The following ADAM9 variants were observed in gnomAD, a reference collection of about 807,000 sequenced individuals.
The protein encoded by ADAM9 is ADAM metallopeptidase domain 9, also known as disintegrin and metalloproteinase domain-containing protein 9.
ADAM9 carries 54 observed loss-of-function variants against 108.1 expected under a neutral mutation model. The ratio of observed to expected loss-of-function variants is 0.50; its 90% CI spans 0.40 to 0.63. ADAM9 has a LOEUF of 0.63. Among genes scored for constraint, ADAM9 ranks in the 20% least tolerant of loss-of-function variants. The probability of loss-of-function intolerance (pLI) is 0.00; values close to 1 mark genes in which losing one functional copy is unlikely to be tolerated. For synonymous variants in ADAM9, 316 were observed against 336.0 expected (o/e 0.94, Z 0.65); for missense variants, 830 against 997.7 (o/e 0.83, Z 2.26).
At chr8:39,066,638 A>G (rs1351646548) in intron 14 of ADAM9, among the ~76,000 whole-genome samples, 2 of 152,296 alleles carry the variant, frequency 1.3e-5, no homozygotes, top group East Asian at 3.9e-4. Context: ...TTCTTTGTAG[A>G]TTCTGGATAT....
At chr8:39,031,948 C>G (rs1464154933) in intron 11 of ADAM9, among the ~76,000 whole-genome samples, 1 of 152,180 alleles carries the variant, frequency 6.6e-6, no homozygotes, top group Non-Finnish European at 1.5e-5. Context: ...GAGGTCCACT[C>G]CAGACCCTTT....
intron 15 of ADAM9, among the ~76,000 whole-genome samples, chr8:39,072,609 T>C (rs948465860): frequency 4.6e-5 from 7 of 152,270 alleles, no homozygotes; most frequent in African/African-American, 1.7e-4. Context: ...CTGGCCTGCA[T>C]GTGGCCTGCG....
chr8:39,025,747 G>A, intron 9 of ADAM9, 56 bp from the exon 10 acceptor site: 5 of 1,500,004 alleles, frequency 3.3e-6, no homozygotes, highest in Non-Finnish European at 3.7e-6. Context: ...TAAAATAAAA[G>A]CAATGTGTTC....
chr8:39,004,000 G>C (rs1437791746), intron 1 of ADAM9, among the ~76,000 whole-genome samples: 1 of 152,116 alleles, frequency 6.6e-6, no homozygotes, highest in Non-Finnish European at 1.5e-5. Flanking sequence ...TATAAGTAAA[G>C]TAAACTAACT....
chr8:39,051,640 G>A (rs1837961782), intron 12 of ADAM9, among the ~76,000 whole-genome samples: 1 of 152,170 alleles, frequency 6.6e-6, no homozygotes, highest in African/African-American at 2.4e-5. Context: ...CCATTTTGGT[G>A]ATGCCACTCT....
chr8:39,054,385 G>A lies in ADAM9; in HGVS notation c.1303-96G>A, dbSNP rs111795365. ...GAGGGTAACTGCTACAATCATGTTA[G>A]AATGAAGTAGATTTTAGGTGTAAGA... On this transcript the variant is annotated intron_variant, in intron 12 of 21. Transcript: ENST00000487273. 3.5e-4 allele frequency: 379 copies of A among 1,089,396 alleles called. No individual in the cohort carries two copies. In the African/African-American group the frequency reaches 5.3e-3, roughly 15 times the overall value. 67.5% of individuals were successfully genotyped at this position (1,089,396 alleles called of 1,614,324 possible).
chr8:39,001,469 T>C lies in ADAM9; in HGVS notation c.97+4309T>C, dbSNP rs926200473. ...CCTTGATCTCAAAGAACTTAAATTC[T>C]TTGCTGGAGGAACTTAAATTGTCTA... is the stretch of plus-strand genomic sequence containing the variant. On this transcript the variant is annotated intron_variant, in intron 1 of 21. Coordinates refer to ENST00000487273, the MANE Select transcript of ADAM9 (RefSeq NM_003816.3). 5.3e-5 allele frequency among the ~76,000 whole-genome samples: 8 copies of C among 152,322 alleles called. No homozygotes were observed. In the East Asian group the frequency reaches 1.5e-3, roughly 29 times the overall value.
intron 16 of ADAM9, among the ~76,000 whole-genome samples, chr8:39,077,677 C>T (rs1838891241): frequency 1.3e-5 from 2 of 152,208 alleles, no homozygotes; most frequent in East Asian, 3.9e-4. Context: ...AATTTATTAG[C>T]CAGTTTGCTA....
At chr8:39,075,199 G>A (rs1481420426) in intron 15 of ADAM9, among the ~76,000 whole-genome samples, 4 of 152,034 alleles carry the variant, frequency 2.6e-5, no homozygotes, top group African/African-American at 4.8e-5. Context: ...GAGCCACCGC[G>A]CCTGGCCCTA....
chr8:39,062,003 G>T (rs575248968), intron 14 of ADAM9, among the ~76,000 whole-genome samples: 40 of 152,286 alleles, frequency 2.6e-4, no homozygotes, highest in African/African-American at 9.6e-4. Context: ...TTGGTTCTTG[G>T]TGAGGGATCT....
At chr8:39,076,964 G>A (rs905703788) in intron 15 of ADAM9, among the ~76,000 whole-genome samples, 3 of 152,194 alleles carry the variant, frequency 2.0e-5, no homozygotes, top group Non-Finnish European at 2.9e-5. Context: ...TAGACAGACA[G>A]TGAAGAAGAT....
chr8:39,066,991 CTATT>C (rs1437690749), intron 14 of ADAM9, among the ~76,000 whole-genome samples: 9 of 152,166 alleles, frequency 5.9e-5, no homozygotes, highest in African/African-American at 1.7e-4. Flanking sequence ...TTTCCCAGCA[CTATT>C]TATTAAATAG....
chr8:39,097,084 T>G (rs1389973360), intron 20 of ADAM9, among the ~76,000 whole-genome samples: 1 of 152,166 alleles, frequency 6.6e-6, no homozygotes, highest in Non-Finnish European at 1.5e-5. Flanking sequence ...ATTATTGGGA[T>G]TTTGGCATTT....
chr8:39,101,177 T>G (rs1839683615), intron 20 of ADAM9, among the ~76,000 whole-genome samples: 1 of 152,230 alleles, frequency 6.6e-6, no homozygotes, highest in African/African-American at 2.4e-5. Flanking sequence ...CTTAAAAGAA[T>G]TAAGTATTCC....
chr8:39,011,532 A>G, intron 2 of ADAM9, 126 bp from the exon 3 acceptor site: 1 of 801,338 alleles, frequency 1.2e-6, no homozygotes, highest in South Asian at 1.5e-5. Context: ...TTCTTCTATT[A>G]AATAGTTCAG....
intron 20 of ADAM9, among the ~76,000 whole-genome samples, chr8:39,093,420 G>T (rs1839411262): frequency 6.6e-6 from 1 of 152,084 alleles, no homozygotes. Context: ...AGAAATACTA[G>T]TGATTTTCAT....
chr8:39,058,602 C>T (rs932209482), intron 14 of ADAM9, among the ~76,000 whole-genome samples: 18 of 152,112 alleles, frequency 1.2e-4, no homozygotes, highest in African/African-American at 3.1e-4. Flanking sequence ...TTTGGTGGTT[C>T]GGATCAGTAA....
At chr8:39,081,856 G>A (rs1039351342) in intron 16 of ADAM9, among the ~76,000 whole-genome samples, 15 of 152,180 alleles carry the variant, frequency 9.9e-5, no homozygotes, top group African/African-American at 3.6e-4. Context: ...GCACTCAACA[G>A]TCTTTTAAAA....
intron 16 of ADAM9, among the ~76,000 whole-genome samples, chr8:39,080,051 T>C (rs1838971520): frequency 6.6e-6 from 1 of 152,190 alleles, no homozygotes; most frequent in African/African-American, 2.4e-5. Flanking sequence ...TGTTAAATAT[T>C]TTCTTGATAT....
Sources: allele counts gnomAD v4.1 joint callset (sites outside exome capture counted in the v4.1 genomes callset), GRCh38; gene constraint gnomAD v4.1.1; transcripts MANE v1.5; gene names NCBI Gene and HGNC (gene_info 2026-07-23, HGNC 2026-07-21).